MLLT3: variants seen among roughly 807,000 people sequenced by gnomAD.
The protein encoded by MLLT3 is protein AF-9.
Under a neutral mutation model 53.2 loss-of-function variants are expected in MLLT3, and 4 were observed. The observed-to-expected ratio is 0.08, with a 90% CI of 0.04 to 0.17. The LOEUF is 0.17. MLLT3 is among the 10% of genes least tolerant of loss of function. MLLT3 has a pLI of 1.00. For synonymous variants in MLLT3, 283 were observed against 230.6 expected (o/e 1.23, Z -2.06); for missense variants, 569 against 684.0 (o/e 0.83, Z 1.87).
intron 5 of MLLT3, among the ~76,000 whole-genome samples, chr9:20,405,389 C>T (rs893915907): frequency 1.3e-5 from 2 of 152,194 alleles, no homozygotes; most frequent in African/African-American, 4.8e-5. Context: ...GGAAGGTTAA[C>T]AGTACTAAAT....
rs1301790890 is a variant in MLLT3 at position 20,343,983 on chromosome 9, ACT to A, written c.*2458_*2459del. On this transcript the variant is annotated 3_prime_UTR_variant, in exon 11 of 11. Transcript: ENST00000380338. ...TTACCACTTCAAAAAAAATAACGTA[ACT>A]CTCAGTCTTAATTTTGTGAAAAACT... 3.9e-5 allele frequency: 8 copies of A among 202,998 alleles called. No homozygotes were observed. Among genetic ancestry groups the A allele is most frequent in the African/African-American group, 1.8e-4 (8 of 43,684 alleles). The allele number at this position is 202,998 out of a possible 1,614,324, so 12.6% of individuals were successfully genotyped here. A position where few individuals can be genotyped will look rare whatever the true frequency, so the allele number is the denominator to read the frequency against.
intron 8 of MLLT3, among the ~76,000 whole-genome samples, chr9:20,359,145 C>CAAAAAAAA (rs920197622): frequency 2.9e-4 from 6 of 20,982 alleles, no homozygotes; most frequent in African/African-American, 7.9e-4. Context: ...AACTCCATCT[C>CAAAAAAAA]AAAAAAAAAA....
intron 4 of MLLT3, among the ~76,000 whole-genome samples, chr9:20,444,582 C>T (rs1052704234): frequency 1.3e-5 from 2 of 151,968 alleles, no homozygotes; most frequent in African/African-American, 4.8e-5. Context: ...TACTTAAAGC[C>T]TTACAAGGGG....
chr9:20,568,206 G>A (rs192895752), intron 2 of MLLT3, among the ~76,000 whole-genome samples: 8 of 152,178 alleles, frequency 5.3e-5, no homozygotes, highest in Admixed American at 2.6e-4. Context: ...AAATTCAGTC[G>A]GAGAGAGGGA....
At chr9:20,493,683 G>A (rs1035818020) in intron 2 of MLLT3, among the ~76,000 whole-genome samples, 5 of 151,846 alleles carry the variant, frequency 3.3e-5, no homozygotes, top group African/African-American at 1.2e-4. Flanking sequence ...CAAAAACAAT[G>A]TTCACCCCAA....
intron 2 of MLLT3, among the ~76,000 whole-genome samples, chr9:20,567,085 G>A (rs1175180745): frequency 1.3e-5 from 2 of 149,072 alleles, no homozygotes; most frequent in African/African-American, 4.9e-5. Context: ...AAGTGGGTCT[G>A]AATTGTGTTT....
chr9:20,434,857 T>C (rs934976997), intron 4 of MLLT3, among the ~76,000 whole-genome samples: 6 of 152,162 alleles, frequency 3.9e-5, no homozygotes, highest in African/African-American at 1.4e-4. Context: ...AAAAAGACAA[T>C]AAACTTGTAA....
chr9:20,401,906 G>C (rs1822465834), intron 5 of MLLT3, among the ~76,000 whole-genome samples: 1 of 152,114 alleles, frequency 6.6e-6, no homozygotes, highest in Non-Finnish European at 1.5e-5. Flanking sequence ...GTTGTACCTG[G>C]GTATCTGTTC....
chr9:20,421,038 TG>T (rs1822995537), intron 4 of MLLT3, among the ~76,000 whole-genome samples: 1 of 151,790 alleles, frequency 6.6e-6, no homozygotes, highest in Admixed American at 6.6e-5. Flanking sequence ...CTGAGGCAGG[TG>T]GATCACTTGA....
chr9:20,507,742 G>GAAA (rs72452530), intron 2 of MLLT3, among the ~76,000 whole-genome samples: 11,480 of 84,102 alleles, frequency 0.14, 1,469 homozygotes, highest in African/African-American at 0.37. Flanking sequence ...TCCCAAAATG[G>GAAA]AAAAAAAAAA....
intron 5 of MLLT3, among the ~76,000 whole-genome samples, chr9:20,404,148 G>GTTTAAAC (rs1822524318): frequency 6.6e-6 from 1 of 152,140 alleles, no homozygotes; most frequent in Non-Finnish European, 1.5e-5. Context: ...AACTAAGGTG[G>GTTTAAAC]ACTTTGAGAA....
chr9:20,423,286 C>A (rs1823061003), intron 4 of MLLT3, among the ~76,000 whole-genome samples: 1 of 151,908 alleles, frequency 6.6e-6, no homozygotes, highest in Admixed American at 6.6e-5. Flanking sequence ...ATAACCTGGG[C>A]CAGAAATGAA....
At chr9:20,519,850 T>C (rs1818014963) in intron 2 of MLLT3, among the ~76,000 whole-genome samples, 1 of 152,178 alleles carries the variant, frequency 6.6e-6, no homozygotes, top group Non-Finnish European at 1.5e-5. Flanking sequence ...TTACTAGGTA[T>C]ATACCCAAAG....
chr9:20,347,843 C>T (rs1820916573), intron 10 of MLLT3, among the ~76,000 whole-genome samples: 1 of 152,110 alleles, frequency 6.6e-6, no homozygotes, highest in Non-Finnish European at 1.5e-5. Context: ...ATTATTGAGC[C>T]TATCATTTAT....
At chr9:20,467,902 A>C (rs547286464) in intron 2 of MLLT3, among the ~76,000 whole-genome samples, 4 of 152,346 alleles carry the variant, frequency 2.6e-5, no homozygotes, top group African/African-American at 9.6e-5. Context: ...CACTTAAATC[A>C]AGGGCTCATT....
intron 2 of MLLT3, among the ~76,000 whole-genome samples, chr9:20,494,828 T>C (rs1018867152): frequency 1.3e-5 from 2 of 152,180 alleles, no homozygotes; most frequent in East Asian, 3.8e-4. Flanking sequence ...TTCATATATA[T>C]TAAAACTGAA....
chr9:20,468,454 C>T (rs529936568), intron 2 of MLLT3, among the ~76,000 whole-genome samples: 11 of 152,280 alleles, frequency 7.2e-5, no homozygotes, highest in South Asian at 6.2e-4. Context: ...CCTAGAAACT[C>T]GTGAAGCCCA....
intron 6 of MLLT3, among the ~76,000 whole-genome samples, chr9:20,364,902 G>A (rs1821412733): frequency 6.6e-6 from 1 of 152,046 alleles, no homozygotes; most frequent in East Asian, 1.9e-4. Context: ...AATATAATTA[G>A]TTAAATATTC....
At chr9:20,480,700 T>G (rs1824639564) in intron 2 of MLLT3, among the ~76,000 whole-genome samples, 1 of 152,190 alleles carries the variant, frequency 6.6e-6, no homozygotes, top group Admixed American at 6.5e-5. Context: ...TCAATTAATA[T>G]TCATAGAGCA....
Sources: allele counts gnomAD v4.1 joint callset (sites outside exome capture counted in the v4.1 genomes callset), GRCh38; gene constraint gnomAD v4.1.1; transcripts MANE v1.5; gene names NCBI Gene and HGNC (gene_info 2026-07-23, HGNC 2026-07-21).